Variants in PKIB observed in about 807,000 individuals in gnomAD.
PKIB encodes PKI-beta.
Under a neutral mutation model 4.5 loss-of-function variants are expected in PKIB, and 2 were observed. The ratio of observed to expected loss-of-function variants is 0.44; its 90% confidence interval spans 0.18 to 1.39. The LOEUF is 1.39. Among genes scored for constraint, PKIB ranks in the 40% most tolerant of loss-of-function variants. The pLI is 0.27. For synonymous variants in PKIB, 38 were observed against 36.0 expected, an observed-to-expected ratio of 1.06 and a Z score of -0.20; for missense variants, 94 against 92.6, an observed-to-expected ratio of 1.02 and a Z score of -0.06.
At chr6:122,571,309 A>G (rs1349425577) in intron 2 of PKIB, among the ~76,000 whole-genome samples, 4 of 152,234 alleles carry the variant, frequency 2.6e-5, no homozygotes, top group Non-Finnish European at 5.9e-5. Flanking sequence ...GAGAAGTCTA[A>G]GAGTTTGGAG....
chr6:122,701,625 C>G (rs1212562135), intron 3 of PKIB: 12 of 1,126,064 alleles, frequency 1.1e-5, no homozygotes, highest in Non-Finnish European at 1.5e-5. Context: ...TCTCAGGTAC[C>G]CTTGCCAAAT....
intron 1 of PKIB, among the ~76,000 whole-genome samples, chr6:122,631,940 C>T (rs561578717): frequency 4.6e-5 from 7 of 152,300 alleles, no homozygotes; most frequent in Admixed American, 1.3e-4. Context: ...ATCTCCACCA[C>T]GTATAGTTCT....
rs898134876 is a variant in PKIB, at chr6:122,526,428, A to G, written c.-248+48489A>G. On this transcript the variant is annotated intron_variant, in intron 2 of 6. Coordinates refer to the PKIB transcript ENST00000392491. ...ATAGCCTTATAAATGTATTTTTTAA[A>G]TAATAAGATTTAAATGTTGAAATTA... is the stretch of plus-strand genomic sequence containing the variant. 2.6e-5 allele frequency among the ~76,000 whole-genome samples: 4 copies of G among 152,124 alleles called. 1 individual carries two copies. Among genetic ancestry groups the G allele is most frequent in the Non-Finnish European group, 5.9e-5 (4 of 68,018 alleles).
chr6:122,708,558 G>A (rs891493048), intron 3 of PKIB, among the ~76,000 whole-genome samples: 2 of 152,120 alleles, frequency 1.3e-5, no homozygotes, highest in Non-Finnish European at 2.9e-5. Context: ...AGGTTTGAGG[G>A]TGTGCTGGGA....
intron 2 of PKIB, among the ~76,000 whole-genome samples, chr6:122,515,802 G>A (rs1244709193): frequency 6.6e-6 from 1 of 152,058 alleles, no homozygotes; most frequent in East Asian, 1.9e-4. Flanking sequence ...TGCAACCTGT[G>A]CCTCCTGGGT....
intron 4 of PKIB, 74 bp downstream of exon 4, chr6:122,718,037 TC>T: frequency 6.9e-7 from 1 of 1,458,732 alleles, no homozygotes; most frequent in Non-Finnish European, 9.3e-7. Flanking sequence ...GGACAGTCTT[TC>T]TTTTATCTAG....
At chr6:122,570,491 C>G (rs1308424862) in intron 2 of PKIB, among the ~76,000 whole-genome samples, 7 of 152,122 alleles carry the variant, frequency 4.6e-5, no homozygotes, top group Non-Finnish European at 1.0e-4. Context: ...AAAAAGCATA[C>G]ACCATGGGAG....
At chr6:122,618,926 A>G (rs541926051) in intron 1 of PKIB, among the ~76,000 whole-genome samples, 12 of 152,240 alleles carry the variant, frequency 7.9e-5, no homozygotes, top group African/African-American at 2.6e-4. Context: ...TTTACATTCA[A>G]AATAATACTT....
At chr6:122,669,327 G>C (rs1777354676) in intron 2 of PKIB, among the ~76,000 whole-genome samples, 1 of 151,900 alleles carries the variant, frequency 6.6e-6, no homozygotes, top group African/African-American at 2.4e-5. Flanking sequence ...AGTTTTTTTT[G>C]GGAGCTTTAA....
chr6:122,706,084 C>T (rs987562174), intron 3 of PKIB, among the ~76,000 whole-genome samples: 1 of 152,092 alleles, frequency 6.6e-6, no homozygotes, highest in Non-Finnish European at 1.5e-5. Flanking sequence ...TTTGCACTCC[C>T]CTCTTTTAGC....
At chr6:122,487,415 C>T (rs927550873) in intron 2 of PKIB, among the ~76,000 whole-genome samples, 1 of 152,150 alleles carries the variant, frequency 6.6e-6, no homozygotes, top group Non-Finnish European at 1.5e-5. Context: ...GTTCACCCCC[C>T]AAAATTCATA....
At chr6:122,507,108 G>A (rs1257927719) in intron 2 of PKIB, among the ~76,000 whole-genome samples, 1 of 152,104 alleles carries the variant, frequency 6.6e-6, no homozygotes, top group South Asian at 2.1e-4. Context: ...CTTTGTGAAT[G>A]ATCTGGGTTC....
At chr6:122,665,296 T>C (rs1442304118) in intron 2 of PKIB, among the ~76,000 whole-genome samples, 1 of 152,232 alleles carries the variant, frequency 6.6e-6, no homozygotes, top group Non-Finnish European at 1.5e-5. Flanking sequence ...AGATTGTTCT[T>C]GCAGATAATG....
chr6:122,475,365 A>G (rs1200946936), intron 1 of PKIB, among the ~76,000 whole-genome samples: 1 of 152,250 alleles, frequency 6.6e-6, no homozygotes, highest in Non-Finnish European at 1.5e-5. Flanking sequence ...GTTGAAATCC[A>G]TAAGGTTATG....
chr6:122,528,168 T>G (rs948547020), intron 2 of PKIB, among the ~76,000 whole-genome samples: 1 of 152,224 alleles, frequency 6.6e-6, no homozygotes, highest in Non-Finnish European at 1.5e-5. Context: ...GAAGGCTGTT[T>G]TGTCTACTAT....
At chr6:122,576,710 A>ATATATATATTTTTT (rs59569106) in intron 2 of PKIB, among the ~76,000 whole-genome samples, 10 of 109,990 alleles carry the variant, frequency 9.1e-5, no homozygotes, top group African/African-American at 3.6e-4. Flanking sequence ...ATATATATAT[A>ATATATATATTTTTT]TTTTCTTTTG....
intron 3 of PKIB, among the ~76,000 whole-genome samples, chr6:122,701,980 G>A (rs1778826846): frequency 6.6e-6 from 1 of 152,100 alleles, no homozygotes; most frequent in African/African-American, 2.4e-5. Context: ...AGTTACATTA[G>A]GTAACCAGAA....
At chr6:122,668,904 G>A (rs1046354599) in intron 2 of PKIB, among the ~76,000 whole-genome samples, 2 of 152,146 alleles carry the variant, frequency 1.3e-5, no homozygotes, top group East Asian at 1.9e-4. Context: ...GTTTCAATTT[G>A]CCATTTCTAC....
chr6:122,556,571 G>T (rs998591433), intron 2 of PKIB, among the ~76,000 whole-genome samples: 1 of 152,182 alleles, frequency 6.6e-6, no homozygotes, highest in Non-Finnish European at 1.5e-5. Flanking sequence ...CATACAAGCT[G>T]CTCTACAACT....
Sources: gnomAD v4.1 joint callset for allele counts (sites outside exome capture counted in the v4.1 genomes callset) on GRCh38, gnomAD v4.1.1 for gene constraint, MANE v1.5 for transcripts, NCBI Gene and HGNC (gene_info 2026-07-23, HGNC 2026-07-21) for gene names.